The following RNGTT variants were observed in gnomAD, a reference collection of about 807,000 sequenced individuals.
RNGTT encodes mRNA-capping enzyme.
In RNGTT, 33 loss-of-function variants were observed where a neutral mutation model predicts 79.3. The ratio of observed to expected loss-of-function variants is 0.42; its 90% CI spans 0.32 to 0.56. The LOEUF (loss-of-function observed/expected upper bound fraction) is 0.56, where lower values mean the gene tolerates loss of function less well. Ranked by LOEUF, RNGTT falls within the 20% of genes least tolerant of loss-of-function variation. The pLI is 0.17. For synonymous variants in RNGTT, 222 were observed against 235.9 expected, an observed-to-expected ratio of 0.94 and a Z score of 0.54; for missense variants, 497 against 739.1, an observed-to-expected ratio of 0.67 and a Z score of 3.80.
At chr6:88,913,377 T>C (rs1783898977) in intron 4 of RNGTT, among the ~76,000 whole-genome samples, 1 of 151,902 alleles carries the variant, frequency 6.6e-6, no homozygotes, top group Non-Finnish European at 1.5e-5. Flanking sequence ...CAACATATTG[T>C]GATACCAAAA....
intron 13 of RNGTT, among the ~76,000 whole-genome samples, chr6:88,751,487 T>G (rs1777837146): frequency 6.6e-6 from 1 of 152,120 alleles, no homozygotes; most frequent in Non-Finnish European, 1.5e-5. Context: ...TTTCAAACAA[T>G]TAAATGAAAA....
intron 14 of RNGTT, among the ~76,000 whole-genome samples, chr6:88,628,190 A>G (rs527402491): frequency 1.6e-4 from 24 of 152,260 alleles, no homozygotes; most frequent in Non-Finnish European, 2.1e-4. Flanking sequence ...CTCCAGGTAT[A>G]GCGGCTATTT....
intron 2 of RNGTT, among the ~76,000 whole-genome samples, chr6:88,933,304 A>T (rs570112199): frequency 1.3e-5 from 2 of 152,328 alleles, no homozygotes; most frequent in African/African-American, 4.8e-5. Flanking sequence ...GAAATACACA[A>T]TACATCATTG....
intron 9 of RNGTT, among the ~76,000 whole-genome samples, chr6:88,850,620 T>C (rs1309252206): frequency 6.6e-6 from 1 of 151,936 alleles, no homozygotes; most frequent in Non-Finnish European, 1.5e-5. Flanking sequence ...ACACACTGAT[T>C]TAGGAAAAAT....
chr6:88,938,317 A>G (rs1370621164), intron 2 of RNGTT, among the ~76,000 whole-genome samples: 2 of 152,118 alleles, frequency 1.3e-5, no homozygotes, highest in Non-Finnish European at 1.5e-5. Context: ...TTTTTGACTT[A>G]AAGTCTGTTT....
At chr6:88,618,804 G>A (rs1466164689) in intron 14 of RNGTT, among the ~76,000 whole-genome samples, 1 of 152,120 alleles carries the variant, frequency 6.6e-6, no homozygotes, top group Admixed American at 6.5e-5. Flanking sequence ...TTTTAAATTA[G>A]CAGCTCAAAG....
intron 5 of RNGTT, among the ~76,000 whole-genome samples, chr6:88,905,696 T>C (rs755015076): frequency 2.0e-5 from 3 of 152,214 alleles, no homozygotes; most frequent in Non-Finnish European, 4.4e-5. Context: ...GACATGTTGA[T>C]TGGCTTAAAT....
intron 8 of RNGTT, among the ~76,000 whole-genome samples, chr6:88,867,353 C>T: frequency 6.6e-6 from 1 of 151,910 alleles, no homozygotes; most frequent in East Asian, 1.9e-4. Flanking sequence ...CATGGTGGCA[C>T]ACACCTGTAG....
intron 1 of RNGTT, among the ~76,000 whole-genome samples, chr6:88,956,506 A>T (rs548275463): frequency 6.6e-6 from 1 of 152,242 alleles, no homozygotes; most frequent in African/African-American, 2.4e-5. Flanking sequence ...CTATTCCAAA[A>T]GACAGAGAAA....
intron 4 of RNGTT, among the ~76,000 whole-genome samples, chr6:88,924,589 T>C (rs964114691): frequency 3.3e-5 from 5 of 152,098 alleles, no homozygotes; most frequent in African/African-American, 1.2e-4. Context: ...GCCTCTCAAG[T>C]AGCTGGGATT....
chr6:88,612,738 C>A lies in RNGTT; in HGVS notation c.1775G>T (p.Arg592Ile). Residue 592 changes from arginine (R) to isoleucine (I), a missense_variant, in exon 16 of 16, where the codon AGA becomes ATA. Physicochemically the swap from Arg to Ile is moderately conservative, Grantham distance 97. Around this residue, in one of 3 missense-constraint regions of RNGTT, gnomAD observed 53 missense variants for 50.5 expected, o/e 1.05. Coordinates refer to ENST00000369485, the MANE Select transcript of RNGTT (RefSeq NM_003800.5). ...CAGGTCTTAGGTTAAAGGGCGTGGTCTTTTGGGAGGTGGTGGTGGCATGAG... is the reference window on the plus strand; with the variant it reads ...CAGGTCTTAGGTTAAAGGGCGTGGTATTTTGGGAGGTGGTGGTGGCATGAG... ...TELMPPPPPK[R>I]PRPLT The A allele has an allele frequency of 1.9e-6, 3 of 1,591,266 alleles. No homozygotes were observed. The highest frequency in any genetic ancestry group is 2.6e-6 in the Non-Finnish European group (3 of 1,167,732).
chr6:88,949,158 T>TAAAAAA (rs1491197999), intron 1 of RNGTT, among the ~76,000 whole-genome samples: 1 of 18,004 alleles, frequency 5.6e-5, no homozygotes, highest in African/African-American at 2.6e-4. Flanking sequence ...TAAAATAAAA[T>TAAAAAA]GAAAAAAAAA....
chr6:88,661,800 T>C (rs1297206295), intron 14 of RNGTT, among the ~76,000 whole-genome samples: 1 of 152,146 alleles, frequency 6.6e-6, no homozygotes, highest in Non-Finnish European at 1.5e-5. Context: ...GAGGGAATCC[T>C]CCCTAAATCA....
chr6:88,829,982 C>T (rs965352741), intron 11 of RNGTT, among the ~76,000 whole-genome samples: 4 of 152,054 alleles, frequency 2.6e-5, no homozygotes, highest in Admixed American at 6.6e-5. Flanking sequence ...GACAGATCAA[C>T]GAGACAGGAA....
intron 13 of RNGTT, among the ~76,000 whole-genome samples, chr6:88,713,856 C>G (rs2127808724): frequency 6.6e-6 from 1 of 152,188 alleles, no homozygotes; most frequent in Non-Finnish European, 1.5e-5. Context: ...ATTTACAGAC[C>G]ATGTCTATAA....
intron 4 of RNGTT, among the ~76,000 whole-genome samples, chr6:88,906,802 G>C (rs1783669692): frequency 2.0e-5 from 3 of 151,970 alleles, no homozygotes; most frequent in African/African-American, 7.2e-5. Context: ...AGATCCTTCT[G>C]ACCCTCAAAC....
chr6:88,624,827 A>G (rs1772568648), intron 14 of RNGTT, among the ~76,000 whole-genome samples: 1 of 151,942 alleles, frequency 6.6e-6, no homozygotes, highest in African/African-American at 2.4e-5. Flanking sequence ...CACATATCTG[A>G]CAGAGAATTT....
chr6:88,963,442 C>A lies in RNGTT; in HGVS notation c.-33G>T. 1.3e-6 allele frequency: 2 copies of A among 1,522,402 alleles called. No homozygotes were observed. Among genetic ancestry groups the A allele is most frequent in the Non-Finnish European group, 1.8e-6 (2 of 1,131,074 alleles). 94.3% of individuals were successfully genotyped at this position (1,522,402 alleles called of 1,614,324 possible). A position where few individuals can be genotyped will look rare whatever the true frequency, so the allele number is the denominator to read the frequency against. On this transcript the variant is annotated 5_prime_UTR_variant, in exon 1 of 16. Coordinates refer to ENST00000369485, the MANE Select transcript of RNGTT (RefSeq NM_003800.5). ...GGCTGCGCAGAGCTGCCCTCCCTCA[C>A]CAACGTTCACCGCGCCTTTGGAGCC...
chr6:88,881,829 C>T (rs1782702074), intron 8 of RNGTT, among the ~76,000 whole-genome samples: 1 of 152,168 alleles, frequency 6.6e-6, no homozygotes, highest in Admixed American at 6.5e-5. Context: ...CTCCCACTGC[C>T]CTACTCTATA....
Sources: gnomAD v4.1 joint callset for allele counts (sites outside exome capture counted in the v4.1 genomes callset) on GRCh38, gnomAD v4.1.1 for gene constraint, gnomAD v4.1.1 regional missense constraint, MANE v1.5 for transcripts, NCBI Gene and HGNC (gene_info 2026-07-23, HGNC 2026-07-21) for gene names.